The following SOX5 variants were observed in gnomAD, a reference collection of about 807,000 sequenced individuals.
The protein encoded by SOX5 is SRY-box transcription factor 5, also known as transcription factor SOX-5.
SOX5 carries 9 observed loss-of-function variants against 92.0 expected under a neutral mutation model. The observed-to-expected ratio is 0.10, with a 90% CI of 0.06 to 0.17. The LOEUF (loss-of-function observed/expected upper bound fraction) is 0.17, where lower values mean the gene tolerates loss of function less well. SOX5 is among the 10% of genes least tolerant of loss of function. The pLI, the probability that SOX5 is intolerant of heterozygous loss-of-function variation, is 1.00. For missense variants in SOX5, 642 were observed against 944.5 expected (o/e 0.68, Z 4.20); for synonymous variants, 344 against 336.3 (o/e 1.02, Z -0.25).
chr12:24,092,165 G>A (rs1444589927), intron 4 of SOX5, among the ~76,000 whole-genome samples: 1 of 152,132 alleles, frequency 6.6e-6, no homozygotes, highest in African/African-American at 2.4e-5. Flanking sequence ...CTATTCCTGA[G>A]AAAAATTCTC....
chr12:24,334,114 A>T (rs1341217049), intron 2 of SOX5, among the ~76,000 whole-genome samples: 1 of 151,864 alleles, frequency 6.6e-6, no homozygotes, highest in Non-Finnish European at 1.5e-5. Flanking sequence ...TTAAACAACA[A>T]GAAAATAAAA....
chr12:24,456,981 C>T (rs1237050667), intron 1 of SOX5, among the ~76,000 whole-genome samples: 1 of 152,162 alleles, frequency 6.6e-6, no homozygotes, highest in Non-Finnish European at 1.5e-5. Flanking sequence ...AATGTCATCC[C>T]TTAACTAGGC....
intron 4 of SOX5, among the ~76,000 whole-genome samples, chr12:24,090,108 C>T (rs752369684): frequency 5.3e-5 from 8 of 152,040 alleles, no homozygotes; most frequent in Non-Finnish European, 1.0e-4. Flanking sequence ...TTTAAAATGT[C>T]TAGAAATCCC....
At chr12:24,183,500 G>A (rs2139311922) in intron 4 of SOX5, among the ~76,000 whole-genome samples, 1 of 152,190 alleles carries the variant, frequency 6.6e-6, no homozygotes, top group Non-Finnish European at 1.5e-5. Context: ...ATTTTTCTGA[G>A]GGTTTCCTCA....
chr12:24,345,412 C>A (rs1174274839), intron 2 of SOX5, among the ~76,000 whole-genome samples: 1 of 152,188 alleles, frequency 6.6e-6, no homozygotes, highest in Non-Finnish European at 1.5e-5. Flanking sequence ...GACTTGTAGT[C>A]CATCTAGCAC....
intron 3 of SOX5, among the ~76,000 whole-genome samples, chr12:24,265,812 G>C (rs1325783689): frequency 1.3e-5 from 2 of 152,126 alleles, no homozygotes. Context: ...TATTTCCTAT[G>C]ACTCTGGTGT....
chr12:23,680,323 CT>C (rs1302834082), intron 6 of SOX5, among the ~76,000 whole-genome samples: 11 of 80,536 alleles, frequency 1.4e-4, no homozygotes, highest in African/African-American at 5.1e-4. Flanking sequence ...GAGACCTTGT[CT>C]CAAAAAAAAA....
intron 7 of SOX5, among the ~76,000 whole-genome samples, chr12:23,663,418 A>G (rs974664113): frequency 6.6e-6 from 1 of 152,166 alleles, no homozygotes; most frequent in African/African-American, 2.4e-5. Flanking sequence ...CTGTCAAATG[A>G]GAGTGAGGTG....
intron 4 of SOX5, among the ~76,000 whole-genome samples, chr12:23,970,842 T>TATATATATATATATATATA (rs1234524602): frequency 6.7e-4 from 4 of 5,944 alleles, no homozygotes; most frequent in Admixed American, 7.0e-3. Context: ...ATATATATAA[T>TATATATATATATATATATA]TTTTTTTTTT....
chr12:23,597,789 G>A (rs138870963), intron 9 of SOX5, among the ~76,000 whole-genome samples: 17 of 152,198 alleles, frequency 1.1e-4, no homozygotes, highest in African/African-American at 3.6e-4. Context: ...GAGAGAAAGA[G>A]GTTTTCAATA....
chr12:23,800,556 T>A (rs1038628131), intron 3 of SOX5, among the ~76,000 whole-genome samples: 27 of 149,026 alleles, frequency 1.8e-4, no homozygotes, highest in East Asian at 3.9e-4. Context: ...CTTTAAAATT[T>A]AAAAAAAAAA....
chr12:23,540,476 C>T (rs1320276214), intron 13 of SOX5, among the ~76,000 whole-genome samples: 1 of 151,718 alleles, frequency 6.6e-6, no homozygotes, highest in Non-Finnish European at 1.5e-5. Flanking sequence ...GTATTTGATG[C>T]TCAAAATAGG....
chr12:24,029,926 A>G (rs1955295378), intron 4 of SOX5, among the ~76,000 whole-genome samples: 1 of 152,052 alleles, frequency 6.6e-6, no homozygotes, highest in African/African-American at 2.4e-5. Flanking sequence ...ACATCTATGT[A>G]GCACTTCATA....
chr12:23,846,322 T>C, intron 2 of SOX5, 129 bp from the exon 3 acceptor site: 2 of 747,976 alleles, frequency 2.7e-6, no homozygotes, highest in East Asian at 2.7e-5. Flanking sequence ...CTTTAAAAAA[T>C]TGGTTATATG....
At chr12:23,586,747 T>C (rs1160697265) in intron 9 of SOX5, among the ~76,000 whole-genome samples, 4 of 151,790 alleles carry the variant, frequency 2.6e-5, no homozygotes, top group Admixed American at 1.3e-4. Context: ...ATTAGATGAA[T>C]TTTTACTAGA....
At chr12:23,546,177 G>C (rs1943099001) in intron 12 of SOX5, 139 bp downstream of exon 12, 2 of 577,606 alleles carry the variant, frequency 3.5e-6, no homozygotes, top group Non-Finnish European at 3.1e-6. Context: ...GGCACATGGG[G>C]ACTGCTCAGT....
At position 23,729,618 on chromosome 12, in the gene SOX5, T is replaced by A. The variant is rs570349357; in HGVS notation, c.810+5066A>T. On this transcript the variant is annotated intron_variant, in intron 6 of 14. Coordinates refer to ENST00000451604, the MANE Select transcript of SOX5 (RefSeq NM_006940.6). ...TGACAGGAGATTATTAAATACTAATTCTTTGCTTGCAAGAGAACACAATGA... is the reference window on the plus strand; with the variant it reads ...TGACAGGAGATTATTAAATACTAATACTTTGCTTGCAAGAGAACACAATGA... Among the ~76,000 whole-genome samples, 4 of 152,290 alleles carry A rather than the reference T, an allele frequency of 2.6e-5. 1 individual carries two copies. In the South Asian group the frequency reaches 8.3e-4, roughly 32 times the overall value.
intron 4 of SOX5, among the ~76,000 whole-genome samples, chr12:24,180,329 G>A (rs1249360025): frequency 1.3e-5 from 2 of 152,112 alleles, no homozygotes; most frequent in African/African-American, 4.8e-5. Flanking sequence ...ACAGCCCAAG[G>A]AGACCTTCCT....
chr12:24,030,057 G>T (rs943800568), intron 4 of SOX5, among the ~76,000 whole-genome samples: 1 of 151,884 alleles, frequency 6.6e-6, no homozygotes, highest in Non-Finnish European at 1.5e-5. Flanking sequence ...AGCACAGAGG[G>T]TTAAGTCACA....
Sources: gnomAD v4.1 joint callset for allele counts (sites outside exome capture counted in the v4.1 genomes callset) on GRCh38, gnomAD v4.1.1 for gene constraint, MANE v1.5 for transcripts, NCBI Gene and HGNC (gene_info 2026-07-23, HGNC 2026-07-21) for gene names.